Variants in PTPRD observed in about 807,000 individuals in gnomAD.
The protein encoded by PTPRD is receptor-type tyrosine-protein phosphatase delta.
A neutral mutation model predicts 214.5 loss-of-function variants in PTPRD; 34 were observed. The ratio of observed to expected loss-of-function variants is 0.16; its 90% CI spans 0.12 to 0.21. The LOEUF (loss-of-function observed/expected upper bound fraction) is 0.21, where lower values mean the gene tolerates loss of function less well. Among genes scored for constraint, PTPRD ranks in the 10% least tolerant of loss-of-function variants. The pLI is 1.00. For synonymous variants in PTPRD, 1,128 were observed against 845.7 expected, an observed-to-expected ratio of 1.33 and a Z score of -5.79; for missense variants, 2,545 against 2,398.7, an observed-to-expected ratio of 1.06 and a Z score of -1.27.
At position 8,475,303 on chromosome 9, in the gene PTPRD, G is replaced by A. The variant is rs184659171; in HGVS notation, c.3414-4218C>T. 1.2e-3 allele frequency among the ~76,000 whole-genome samples: 178 copies of A among 152,204 alleles called. 1 individual carries two copies. The highest frequency in any genetic ancestry group is 3.7e-3 in the African/African-American group (153 of 41,534). On this transcript the variant is annotated intron_variant, in intron 30 of 45. Transcript: ENST00000381196. Reference sequence around the variant, plus strand: ...CTTTTAAGATGTTAACACTCTCCATGAAACATTCTGAGCCCTTTCTCTGTG... The same window carrying A: ...CTTTTAAGATGTTAACACTCTCCATAAAACATTCTGAGCCCTTTCTCTGTG...
At chr9:8,721,000 C>T (rs2098488397) in intron 12 of PTPRD, among the ~76,000 whole-genome samples, 1 of 150,984 alleles carries the variant, frequency 6.6e-6, no homozygotes, top group African/African-American at 2.4e-5. Context: ...CACCTATTCA[C>T]CTTTTTGCTC....
intron 11 of PTPRD, among the ~76,000 whole-genome samples, chr9:8,788,605 C>A (rs1297652109): frequency 6.6e-6 from 1 of 152,082 alleles, no homozygotes; most frequent in African/African-American, 2.4e-5. Flanking sequence ...AGCCTAAAAA[C>A]GTTTCCCTTA....
chr9:8,822,637 T>A (rs555376777), intron 11 of PTPRD, among the ~76,000 whole-genome samples: 20 of 152,170 alleles, frequency 1.3e-4, no homozygotes, highest in African/African-American at 4.8e-4. Context: ...AACAATATTA[T>A]TGAGGACTTA....
At chr9:10,486,835 AG>A (rs971997664) in intron 2 of PTPRD, among the ~76,000 whole-genome samples, 1 of 152,202 alleles carries the variant, frequency 6.6e-6, no homozygotes, top group Non-Finnish European at 1.5e-5. Context: ...TCTTTAGTAC[AG>A]ATTAAACTTG....
intron 7 of PTPRD, among the ~76,000 whole-genome samples, chr9:9,659,410 A>G (rs945833243): frequency 3.9e-5 from 6 of 152,106 alleles, no homozygotes; most frequent in Non-Finnish European, 5.9e-5. Flanking sequence ...AAATTATAAT[A>G]TAGTGGCTAT....
chr9:8,967,396 A>G (rs1432854899), intron 11 of PTPRD, among the ~76,000 whole-genome samples: 1 of 152,190 alleles, frequency 6.6e-6, no homozygotes, highest in African/African-American at 2.4e-5. Context: ...CACTATCCAC[A>G]ATGGCAAAAA....
At chr9:10,583,482 C>T (rs992676723) in intron 2 of PTPRD, among the ~76,000 whole-genome samples, 3 of 150,114 alleles carry the variant, frequency 2.0e-5, no homozygotes, top group Non-Finnish European at 4.4e-5. Context: ...GACGGAGTCT[C>T]GCCCTGTTGC....
At position 8,492,900 on chromosome 9, in the gene PTPRD, G is replaced by C. The variant is rs370537977; in HGVS notation, c.2429C>G (p.Ala810Gly). 70 of 1,613,764 alleles carry C rather than the reference G, an allele frequency of 4.3e-5. No individual in the cohort carries two copies. Among genetic ancestry groups the C allele is most frequent in the Non-Finnish European group, 5.7e-5 (67 of 1,179,814 alleles). Reference sequence around the variant, plus strand: ...GGACACCAGTTTGGGCTTGCTGCGAGCACCATCTCCTTTGGTTGTGTAGGC... The same window carrying C: ...GGACACCAGTTTGGGCTTGCTGCGACCACCATCTCCTTTGGTTGTGTAGGC... ...VTAYTTKGDG[A>G]RSKPKLVSTT... is the part of the protein sequence containing the mutation. Residue 810 changes from alanine (A) to glycine (G), a missense_variant, in exon 27 of 46, where the codon GCT becomes GGT. Physicochemically the swap from Ala to Gly is moderately conservative, Grantham distance 60. Coordinates refer to ENST00000381196, the MANE Select transcript of PTPRD (RefSeq NM_002839.4).
At chr9:10,062,768 T>G (rs2097797519) in intron 3 of PTPRD, among the ~76,000 whole-genome samples, 1 of 152,032 alleles carries the variant, frequency 6.6e-6, no homozygotes. Context: ...TGAAAATCTA[T>G]GTAACTCATG....
intron 2 of PTPRD, among the ~76,000 whole-genome samples, chr9:10,511,980 A>G (rs1407899321): frequency 9.6e-6 from 1 of 104,212 alleles, no homozygotes. Flanking sequence ...GTGTGTGTAT[A>G]TATATATACG....
chr9:9,647,865 A>G (rs2096236071), intron 7 of PTPRD, among the ~76,000 whole-genome samples: 1 of 152,212 alleles, frequency 6.6e-6, no homozygotes, highest in Non-Finnish European at 1.5e-5. Flanking sequence ...AAAGTTCTCA[A>G]AACCCTAAGA....
intron 2 of PTPRD, among the ~76,000 whole-genome samples, chr9:10,582,292 C>G (rs1370857459): frequency 6.6e-6 from 1 of 152,030 alleles, no homozygotes; most frequent in Non-Finnish European, 1.5e-5. Flanking sequence ...TTTTTCATAC[C>G]TCTGTCCTCA....
intron 12 of PTPRD, among the ~76,000 whole-genome samples, chr9:8,694,731 CTAT>C (rs1657655570): frequency 6.6e-6 from 1 of 152,192 alleles, no homozygotes; most frequent in African/African-American, 2.4e-5. Flanking sequence ...TAATAAATAC[CTAT>C]TATTCATGGG....
chr9:9,337,718 C>T (rs372906590), intron 9 of PTPRD, among the ~76,000 whole-genome samples: 2 of 152,264 alleles, frequency 1.3e-5, no homozygotes, highest in Non-Finnish European at 1.5e-5. Flanking sequence ...AGCCAGTTGG[C>T]TTTCCTCAAC....
chr9:9,615,003 G>A (rs2094768175), intron 7 of PTPRD, among the ~76,000 whole-genome samples: 1 of 152,158 alleles, frequency 6.6e-6, no homozygotes, highest in Non-Finnish European at 1.5e-5. Context: ...AGAAATTGCA[G>A]GAGGAAGGGG....
intron 7 of PTPRD, among the ~76,000 whole-genome samples, chr9:9,582,170 C>T (rs2090970025): frequency 6.6e-6 from 1 of 152,050 alleles, no homozygotes; most frequent in African/African-American, 2.4e-5. Flanking sequence ...TTATTTTTTG[C>T]TAGGTTCATG....
chr9:8,327,041 G>A (rs1391552259), intron 44 of PTPRD, among the ~76,000 whole-genome samples: 2 of 139,632 alleles, frequency 1.4e-5, no homozygotes, highest in African/African-American at 2.5e-5. Context: ...CTTCAGTTCT[G>A]TAGTGTTCTT....
intron 4 of PTPRD, among the ~76,000 whole-genome samples, chr9:9,994,492 T>C (rs1215625751): frequency 6.6e-6 from 1 of 152,104 alleles, no homozygotes; most frequent in Non-Finnish European, 1.5e-5. Flanking sequence ...TATTGTCTGG[T>C]ACATCATAGA....
At chr9:9,313,376 G>A (rs1960315428) in intron 9 of PTPRD, among the ~76,000 whole-genome samples, 1 of 152,098 alleles carries the variant, frequency 6.6e-6, no homozygotes, top group Admixed American at 6.6e-5. Flanking sequence ...AATTGTACCT[G>A]AAAAACAGAT....
Sources: gnomAD v4.1 joint callset for allele counts (sites outside exome capture counted in the v4.1 genomes callset) on GRCh38, gnomAD v4.1.1 for gene constraint, MANE v1.5 for transcripts, NCBI Gene and HGNC (gene_info 2026-07-23, HGNC 2026-07-21) for gene names.